GPBP1: variants seen among roughly 807,000 people sequenced by gnomAD.
The protein encoded by GPBP1 is vasculin.
In GPBP1, 13 loss-of-function variants were observed where a neutral mutation model predicts 56.5. That is an observed-to-expected ratio of 0.23 (90% CI 0.15 to 0.37). The LOEUF is 0.37. Among genes scored for constraint, GPBP1 ranks in the 10% least tolerant of loss-of-function variants. The pLI, the probability that GPBP1 is intolerant of heterozygous loss-of-function variation, is 1.00. For missense variants in GPBP1, 477 were observed against 572.3 expected (o/e 0.83, Z 1.70); for synonymous variants, 204 against 188.9 (o/e 1.08, Z -0.66).
intron 3 of GPBP1, among the ~76,000 whole-genome samples, chr5:57,215,078 A>G (rs951687381): frequency 3.9e-5 from 6 of 152,210 alleles, no homozygotes; most frequent in African/African-American, 1.4e-4. Context: ...CTTACCAGTC[A>G]TATACTTTGA....
intron 2 of GPBP1, among the ~76,000 whole-genome samples, chr5:57,186,358 T>C (rs1031088606): frequency 6.6e-6 from 1 of 151,646 alleles, no homozygotes; most frequent in African/African-American, 2.4e-5. Flanking sequence ...TGCACTCTGG[T>C]CTGGGTGACA....
rs528221422 is a variant in GPBP1, at chr5:57,193,903, G to A, written c.-58+17503G>A. Among the ~76,000 whole-genome samples the A allele has an allele frequency of 2.6e-5, 4 of 152,248 alleles. No homozygotes were observed. The South Asian group carries it at 6.2e-4, about 24-fold the overall frequency. On this transcript the variant is annotated intron_variant, in intron 2 of 11. Coordinates refer to ENST00000506184, the MANE Select transcript of GPBP1 (RefSeq NM_022913.4). Reference sequence around the variant, plus strand: ...ACAAATTACAAAAGGTGTACCACAAGAGGTTTAGAGGAAAGTCACCCCTTT... The same window carrying A: ...ACAAATTACAAAAGGTGTACCACAAAAGGTTTAGAGGAAAGTCACCCCTTT...
Position 57,187,020 on chromosome 5 carries a change from G to A in GPBP1, c.-58+10620G>A, listed in dbSNP as rs201330720. ...CTCAGAGAAGTGTGTGTGTGTGTGTGTGTGTGTGTGTGTGTGTGTATGTAT... is the reference window on the plus strand; with the variant it reads ...CTCAGAGAAGTGTGTGTGTGTGTGTATGTGTGTGTGTGTGTGTGTATGTAT... On this transcript the variant is annotated intron_variant, in intron 2 of 11. Coordinates refer to ENST00000506184, the MANE Select transcript of GPBP1 (RefSeq NM_022913.4). Among the ~76,000 whole-genome samples, 193 of 150,820 alleles carry A rather than the reference G, an allele frequency of 1.3e-3. 5 individuals are homozygous for A. In the East Asian group the frequency reaches 0.034, roughly 27 times the overall value.
chr5:57,185,105 T>A (rs1754226537), intron 2 of GPBP1, among the ~76,000 whole-genome samples: 1 of 152,188 alleles, frequency 6.6e-6, no homozygotes, highest in Non-Finnish European at 1.5e-5. Context: ...GCATAGGACT[T>A]GGTGTGGACT....
intron 2 of GPBP1, among the ~76,000 whole-genome samples, chr5:57,208,905 T>A (rs1755357003): frequency 6.6e-6 from 1 of 152,266 alleles, no homozygotes; most frequent in Non-Finnish European, 1.5e-5. Context: ...TCCACCTGCC[T>A]GGGCCTCCCA....
chr5:57,229,941 G>GCATCGCGTCC (rs374114069), intron 3 of GPBP1, among the ~76,000 whole-genome samples: 1 of 146,078 alleles, frequency 6.8e-6, no homozygotes, highest in East Asian at 2.1e-4. Flanking sequence ...GCATCGCATC[G>GCATCGCGTCC]CGTCCCGTCC....
At chr5:57,219,406 A>AAC (rs1755843457) in intron 3 of GPBP1, among the ~76,000 whole-genome samples, 1 of 37,466 alleles carries the variant, frequency 2.7e-5, no homozygotes, top group African/African-American at 2.5e-4. Flanking sequence ...AAAAAAAACC[A>AAC]AAAACAAACA....
At chr5:57,221,099 A>G (rs1755940243) in intron 3 of GPBP1, among the ~76,000 whole-genome samples, 1 of 152,216 alleles carries the variant, frequency 6.6e-6, no homozygotes, top group African/African-American at 2.4e-5. Context: ...ACTGTATGGC[A>G]GTAGTTTTGA....
At chr5:57,216,551 C>T (rs1019374096) in intron 3 of GPBP1, among the ~76,000 whole-genome samples, 5 of 152,056 alleles carry the variant, frequency 3.3e-5, no homozygotes, top group East Asian at 1.9e-4. Context: ...GCCCAAACCC[C>T]GTCTCTACTA....
intron 3 of GPBP1, among the ~76,000 whole-genome samples, chr5:57,219,411 C>CAAAAAAAAAAAAAAAAA (rs1561348407): frequency 1.3e-5 from 1 of 75,884 alleles, no homozygotes; most frequent in Admixed American, 1.7e-4. Flanking sequence ...AAACCAAAAA[C>CAAAAAAAAAAAAAAAAA]AAACAAACAA....
At chr5:57,249,246 A>G in intron 8 of GPBP1, 163 bp from the exon 9 acceptor site, 1 of 496,156 alleles carries the variant, frequency 2.0e-6, no homozygotes, top group Non-Finnish European at 3.6e-6. Flanking sequence ...TGACTCATTC[A>G]GTAGGGGAAA....
chr5:57,213,852 C>T (rs1027034380), intron 2 of GPBP1, among the ~76,000 whole-genome samples: 4 of 152,094 alleles, frequency 2.6e-5, no homozygotes, highest in African/African-American at 7.2e-5. Flanking sequence ...TAATAACCAC[C>T]GCAATCAAGA....
chr5:57,180,792 A>C (rs1754009842), intron 2 of GPBP1, among the ~76,000 whole-genome samples: 1 of 152,126 alleles, frequency 6.6e-6, no homozygotes, highest in Non-Finnish European at 1.5e-5. Flanking sequence ...CTCATGCTGG[A>C]GTGCAATGGC....
intron 10 of GPBP1, among the ~76,000 whole-genome samples, chr5:57,255,093 T>C (rs995580561): frequency 1.3e-5 from 2 of 152,208 alleles, no homozygotes; most frequent in Non-Finnish European, 2.9e-5. Flanking sequence ...ACCTTGTTTT[T>C]CCCCCTCTGC....
intron 2 of GPBP1, among the ~76,000 whole-genome samples, chr5:57,182,460 A>T (rs749766914): frequency 2.0e-5 from 3 of 147,468 alleles, no homozygotes; most frequent in Admixed American, 6.8e-5. Context: ...GCAACCTCCA[A>T]CTCCCGGGTT....
intron 6 of GPBP1, among the ~76,000 whole-genome samples, chr5:57,237,860 A>G (rs1005741176): frequency 2.6e-5 from 4 of 152,098 alleles, no homozygotes; most frequent in African/African-American, 9.7e-5. Context: ...AAAAAAAAGC[A>G]ATTTGTCCCT....
At chr5:57,223,470 T>C (rs1756041208) in intron 3 of GPBP1, among the ~76,000 whole-genome samples, 1 of 152,186 alleles carries the variant, frequency 6.6e-6, no homozygotes, top group African/African-American at 2.4e-5. Flanking sequence ...TACCTTATCA[T>C]GGTTGAAACT....
intron 3 of GPBP1, chr5:57,221,391 TTGAA>T: frequency 6.6e-7 from 1 of 1,526,256 alleles, no homozygotes; most frequent in Non-Finnish European, 8.9e-7. Context: ...GACCAGCAGT[TTGAA>T]AGTAAGTATT....
intron 2 of GPBP1, among the ~76,000 whole-genome samples, chr5:57,194,122 T>C (rs1754647089): frequency 6.6e-6 from 1 of 152,218 alleles, no homozygotes; most frequent in African/African-American, 2.4e-5. Context: ...AGTTACCTCA[T>C]TCTTTTTATT....
Sources: gnomAD v4.1 joint callset for allele counts (sites outside exome capture counted in the v4.1 genomes callset) on GRCh38, gnomAD v4.1.1 for gene constraint, MANE v1.5 for transcripts, NCBI Gene and HGNC (gene_info 2026-07-23, HGNC 2026-07-21) for gene names.